DIPK2A: variants seen among roughly 807,000 people sequenced by gnomAD.
DIPK2A encodes divergent protein kinase domain 2A.
DIPK2A carries 27 observed loss-of-function variants against 39.0 expected under a neutral mutation model. That is an observed-to-expected ratio of 0.69 (90% CI 0.51 to 0.96). The LOEUF (loss-of-function observed/expected upper bound fraction) is 0.96. DIPK2A is among the 40% of genes least tolerant of loss of function. The pLI, the probability that DIPK2A is intolerant of heterozygous loss-of-function variation, is 0.00. For missense variants in DIPK2A, 528 were observed against 571.3 expected (o/e 0.92, Z 0.77); for synonymous variants, 298 against 240.8 (o/e 1.24, Z -2.20).
chr3:143,973,824 C>A, intron 1 of DIPK2A: 1 of 533,050 alleles, frequency 1.9e-6, no homozygotes, highest in East Asian at 3.3e-5. Flanking sequence ...AGTAATGTGC[C>A]TTTTAGGGGA....
rs1237923246 is a variant in DIPK2A at position 143,985,550 on chromosome 3, C to T, written c.665C>T (p.Pro222Leu). 3.1e-6 allele frequency: 5 copies of T among 1,611,766 alleles called. No homozygotes were observed. The highest frequency in any genetic ancestry group is 1.1e-5 in the South Asian group (1 of 90,990). ...NPEPLVLQSF[P>L]SDEGWPFAKY... ...AAGATAATTCTTTTGTAGAGTTTTC[C>T]GTCTGATGAAGGTTGGCCATTTGCA... The change falls in exon 2 of 3, where the codon CCG (proline) becomes CTG (leucine). Residue 222 changes from proline (P) to leucine (L), a missense_variant. Coordinates refer to ENST00000315691, the MANE Select transcript of DIPK2A (RefSeq NM_173552.5).
intron 1 of DIPK2A, among the ~76,000 whole-genome samples, chr3:143,974,826 C>T (rs1285590540): frequency 6.6e-6 from 1 of 152,050 alleles, no homozygotes; most frequent in Non-Finnish European, 1.5e-5. Flanking sequence ...ATTTGAGAAA[C>T]TTTGGCATCT....
intron 2 of DIPK2A, chr3:143,986,085 C>T (rs1051133483): frequency 1.5e-5 from 7 of 479,220 alleles, no homozygotes; most frequent in Admixed American, 7.6e-5. Flanking sequence ...ATCTAACCTA[C>T]GGGACATCAT....
In DIPK2A at chr3:143,976,533, T is replaced by A. The variant is rs548703125; in HGVS notation, c.657+3544T>A. Among the ~76,000 whole-genome samples, 51 of 104,174 alleles carry A rather than the reference T, an allele frequency of 4.9e-4. 1 individual carries two copies. The South Asian group carries it at 5.4e-3, about 11-fold the overall frequency. 68.3% of individuals were successfully genotyped at this position (104,174 alleles called of 152,430 possible). ...CTATTGAATTTACAGAAAGGGAGAG[T>A]GTGTGTGTGTGTGTGTGTGTGTGAG... On this transcript the variant is annotated intron_variant, in intron 1 of 2. Transcript: ENST00000315691.
At chr3:143,985,909 C>CT in intron 2 of DIPK2A, 63 bp downstream of exon 2, 1 of 1,359,034 alleles carries the variant, frequency 7.4e-7, no homozygotes, top group African/African-American at 1.5e-5. Context: ...AATGTTTATA[C>CT]TTGTATGAAA....
chr3:143,989,292 G>A (rs1193444673), intron 2 of DIPK2A, among the ~76,000 whole-genome samples: 2 of 152,150 alleles, frequency 1.3e-5, no homozygotes, highest in Non-Finnish European at 1.5e-5. Flanking sequence ...GACTAAACCT[G>A]TAAGTGGTAG....
intron 1 of DIPK2A, among the ~76,000 whole-genome samples, chr3:143,974,126 T>A (rs1256737080): frequency 1.3e-5 from 2 of 151,940 alleles, no homozygotes; most frequent in Non-Finnish European, 2.9e-5. Flanking sequence ...CAGGGTTTTT[T>A]TTTTTTTTAT....
At chr3:143,978,621 T>TATA in intron 1 of DIPK2A, 1 of 64,454 alleles carries the variant, frequency 1.6e-5, no homozygotes, top group African/African-American at 1.3e-4. Context: ...TATATCTATA[T>TATA]CTATATATAT....
chr3:143,984,302 G>A (rs2087867535), intron 1 of DIPK2A, among the ~76,000 whole-genome samples: 1 of 151,978 alleles, frequency 6.6e-6, no homozygotes, highest in African/African-American at 2.4e-5. Flanking sequence ...TTCACAGCTT[G>A]GCTGTTTGGG....
Position 143,978,669 on chromosome 3 carries a change from GATATATATATATCTATATATAT to G in DIPK2A, c.657+5692_657+5713del, listed in dbSNP as rs1444750150. The G allele has an allele frequency of 3.3e-4, 11 of 32,836 alleles. No individual in the cohort carries two copies. In the South Asian group the frequency reaches 8.1e-3, roughly 24 times the overall value. 2.0% of individuals were successfully genotyped at this position (32,836 alleles called of 1,614,324 possible). A position where few individuals can be genotyped will look rare whatever the true frequency, so the allele number is the denominator to read the frequency against. ...ATATATATATATATATCTATATATA[GATATATATATATCTATATATAT>G]ATATATATATACTGTCACATGACTC... On this transcript the variant is annotated intron_variant, in intron 1 of 2. Coordinates refer to ENST00000315691, the MANE Select transcript of DIPK2A (RefSeq NM_173552.5).
chr3:143,972,235 C>T lies in DIPK2A; in HGVS notation c.-98C>T. 2.6e-6 allele frequency: 3 copies of T among 1,173,484 alleles called. No individual in the cohort carries two copies. The highest frequency in any genetic ancestry group is 2.3e-5 in the South Asian group (1 of 44,338). 72.7% of individuals were successfully genotyped at this position (1,173,484 alleles called of 1,614,324 possible). A position where few individuals can be genotyped will look rare whatever the true frequency, so the allele number is the denominator to read the frequency against. The stretch of plus-strand genomic sequence containing the variant: ...GCCCCAGCCCGCGCGCTAGCTCCTT[C>T]TCTCGCCCGGGGTTCCTGCCGGTAG... On this transcript the variant is annotated 5_prime_UTR_variant, in exon 1 of 3. Transcript: ENST00000315691.
At chr3:143,977,024 T>G (rs1322066162) in intron 1 of DIPK2A, among the ~76,000 whole-genome samples, 1 of 152,070 alleles carries the variant, frequency 6.6e-6, no homozygotes, top group Non-Finnish European at 1.5e-5. Context: ...CAACCATACT[T>G]TAGTTATACT....
chr3:143,983,393 A>G (rs1307115230), intron 1 of DIPK2A, among the ~76,000 whole-genome samples: 3 of 152,244 alleles, frequency 2.0e-5, no homozygotes, highest in Non-Finnish European at 2.9e-5. Context: ...AGAATTCAGA[A>G]TTAAGAAACT....
chr3:143,976,766 G>T lies in DIPK2A; in HGVS notation c.657+3777G>T, dbSNP rs190734804. 5.9e-5 allele frequency among the ~76,000 whole-genome samples: 9 copies of T among 152,000 alleles called. No homozygotes were observed. In the East Asian group the frequency reaches 1.7e-3, roughly 29 times the overall value. On this transcript the variant is annotated intron_variant, in intron 1 of 2. Coordinates refer to ENST00000315691, the MANE Select transcript of DIPK2A (RefSeq NM_173552.5). ...ATTTTCTGAATCATGGTTTTAATAG[G>T]ATTTACTTTATTTTTATAGTATATG...
intron 1 of DIPK2A, among the ~76,000 whole-genome samples, chr3:143,984,926 C>G (rs780019911): frequency 2.6e-5 from 4 of 152,176 alleles, no homozygotes; most frequent in Non-Finnish European, 5.9e-5. Flanking sequence ...GAATCTTTCC[C>G]TGAATTCCAC....
At chr3:143,989,150 C>T (rs2087946569) in intron 2 of DIPK2A, among the ~76,000 whole-genome samples, 1 of 152,130 alleles carries the variant, frequency 6.6e-6, no homozygotes, top group South Asian at 2.1e-4. Context: ...CTTTTAAGAC[C>T]TAAATCAGAT....
rs1034845182 is a variant in DIPK2A at position 143,972,029 on chromosome 3, C to A, written c.-304C>A. On this transcript the variant is annotated 5_prime_UTR_variant, in exon 1 of 3. Transcript: ENST00000315691. Reference sequence around the variant, plus strand: ...CCGTCGGGTCCCCGCGCTCCCTCCCCCTCCCGCTCCTCTATAACTTGGCTG... The same window carrying A: ...CCGTCGGGTCCCCGCGCTCCCTCCCACTCCCGCTCCTCTATAACTTGGCTG... 3.6e-5 allele frequency: 12 copies of A among 333,856 alleles called. No homozygotes were observed. The Admixed American group carries it at 5.3e-4, about 15-fold the overall frequency. 20.7% of individuals were successfully genotyped at this position (333,856 alleles called of 1,614,324 possible).
intron 1 of DIPK2A, 110 bp downstream of exon 1, chr3:143,973,099 C>T: frequency 7.2e-7 from 1 of 1,390,288 alleles, no homozygotes; most frequent in Middle Eastern, 2.1e-4. Flanking sequence ...CTCGGCCGGG[C>T]TGGGCCAGGC....
intron 1 of DIPK2A, among the ~76,000 whole-genome samples, chr3:143,979,287 AT>A (rs1230214623): frequency 6.6e-6 from 1 of 152,192 alleles, no homozygotes; most frequent in African/African-American, 2.4e-5. Flanking sequence ...AATAGAATGA[AT>A]ATGGTAGGAA....
Sources: gnomAD v4.1 joint callset for allele counts (sites outside exome capture counted in the v4.1 genomes callset) on GRCh38, gnomAD v4.1.1 for gene constraint, MANE v1.5 for transcripts, NCBI Gene and HGNC (gene_info 2026-07-23, HGNC 2026-07-21) for gene names.